Variants in SND1 observed in about 807,000 individuals in gnomAD.
SND1 encodes staphylococcal nuclease and tudor domain containing 1.
In SND1, 38 loss-of-function variants were observed where a neutral mutation model predicts 121.7. The observed-to-expected ratio is 0.31, with a 90% CI of 0.24 to 0.41. The LOEUF (loss-of-function observed/expected upper bound fraction) is 0.41, where lower values mean the gene tolerates loss of function less well. Ranked by LOEUF, SND1 falls within the 10% of genes least tolerant of loss-of-function variation. The probability of loss-of-function intolerance (pLI) is 1.00; values close to 1 mark genes in which losing one functional copy is unlikely to be tolerated. For missense variants in SND1, 868 were observed against 1,184.6 expected (o/e 0.73, Z 3.92); for synonymous variants, 401 against 447.4 (o/e 0.90, Z 1.31).
At chr7:127,664,055 G>C (rs1795366463) in intron 1 of SND1, among the ~76,000 whole-genome samples, 2 of 152,078 alleles carry the variant, frequency 1.3e-5, no homozygotes, top group African/African-American at 4.8e-5. Context: ...TTCGAGACAA[G>C]GTCTCTGTTG....
At position 127,703,245 on chromosome 7, in the gene SND1, G is replaced by A. The variant is rs1398875259; in HGVS notation, c.762G>A (p.Ser254=). Residue 254 remains serine, a synonymous_variant, in exon 7 of 24, where the codon TCG becomes TCA. Coordinates refer to ENST00000354725, the MANE Select transcript of SND1 (RefSeq NM_014390.4). ...FAAEAKFFTE[S]RLLQRDVQII... ...CAGAAGCCAAATTTTTCACTGAGTC[G>A]CGACTGCTTCAGAGAGATGTTCAGA... 5.0e-6 allele frequency: 8 copies of A among 1,614,122 alleles called. No individual in the cohort carries two copies. The highest frequency in any genetic ancestry group is 5.9e-6 in the Non-Finnish European group (7 of 1,179,992).
intron 16 of SND1, among the ~76,000 whole-genome samples, chr7:128,058,204 C>CTCAG (rs1356947990): frequency 1.3e-5 from 2 of 152,260 alleles, no homozygotes; most frequent in Non-Finnish European, 2.9e-5. Flanking sequence ...AACAACAGAG[C>CTCAG]TCAGTCACTC....
chr7:127,831,038 C>T (rs1584604408), intron 11 of SND1, among the ~76,000 whole-genome samples: 1 of 152,234 alleles, frequency 6.6e-6, no homozygotes, highest in Non-Finnish European at 1.5e-5. Flanking sequence ...TCTGATGCCA[C>T]ACCCTGTGCT....
At chr7:127,959,574 CCTT>C (rs1193684060) in intron 15 of SND1, among the ~76,000 whole-genome samples, 1 of 152,144 alleles carries the variant, frequency 6.6e-6, no homozygotes, top group Non-Finnish European at 1.5e-5. Flanking sequence ...TAGGTTCAGT[CCTT>C]CTACTACTTC....
At chr7:128,011,500 T>A (rs1318948010) in intron 16 of SND1, among the ~76,000 whole-genome samples, 2 of 152,226 alleles carry the variant, frequency 1.3e-5, no homozygotes, top group Non-Finnish European at 2.9e-5. Context: ...GGCTCTTTTA[T>A]TGTGTAACAT....
intron 2 of SND1, among the ~76,000 whole-genome samples, chr7:127,691,375 T>A (rs777352891): frequency 1.3e-5 from 2 of 151,692 alleles, no homozygotes; most frequent in African/African-American, 4.8e-5. Context: ...ACCTTGTCTC[T>A]ACTAAAAATA....
intron 10 of SND1, among the ~76,000 whole-genome samples, chr7:127,728,876 G>A: frequency 6.6e-6 from 1 of 152,108 alleles, no homozygotes; most frequent in Non-Finnish European, 1.5e-5. Flanking sequence ...CAATGTGCTG[G>A]TATCTAACTA....
chr7:127,996,505 G>T (rs1802660977), intron 16 of SND1, among the ~76,000 whole-genome samples: 1 of 152,058 alleles, frequency 6.6e-6, no homozygotes, highest in Non-Finnish European at 1.5e-5. Context: ...CTTCCCTGTT[G>T]AGGAGACCCA....
chr7:127,802,644 T>A (rs1391804658), intron 10 of SND1, among the ~76,000 whole-genome samples: 1 of 152,202 alleles, frequency 6.6e-6, no homozygotes, highest in African/African-American at 2.4e-5. Flanking sequence ...ATACTACCTA[T>A]ATGCCAACAA....
chr7:127,865,339 T>C (rs1417765556), intron 12 of SND1, among the ~76,000 whole-genome samples: 14 of 152,188 alleles, frequency 9.2e-5, no homozygotes. Context: ...GGTTAGGAAA[T>C]GTGGCTCAGA....
chr7:127,996,194 A>G (rs1021926495), intron 16 of SND1, among the ~76,000 whole-genome samples: 1 of 151,824 alleles, frequency 6.6e-6, no homozygotes, highest in Non-Finnish European at 1.5e-5. Flanking sequence ...GCCATTGGGG[A>G]AAAAAAAGTA....
chr7:127,829,825 A>C (rs1022430675), intron 11 of SND1, among the ~76,000 whole-genome samples: 71 of 152,346 alleles, frequency 4.7e-4, no homozygotes, highest in African/African-American at 1.7e-3. Flanking sequence ...CCATTTATAC[A>C]GAATTTTTAT....
At chr7:127,757,336 T>C (rs1029512209) in intron 10 of SND1, among the ~76,000 whole-genome samples, 1 of 152,228 alleles carries the variant, frequency 6.6e-6, no homozygotes, top group South Asian at 2.1e-4. Context: ...AATGATCATT[T>C]AGATTGTTTC....
rs184656636 is a variant in SND1 at position 128,029,506 on chromosome 7, T to C, written c.1779+38450T>C. The C allele has an allele frequency of 1.1e-5, 18 of 1,613,920 alleles. No homozygotes were observed. Among genetic ancestry groups the C allele is most frequent in the African/African-American group, 4.0e-5 (3 of 74,948 alleles). On this transcript the variant is annotated intron_variant, in intron 16 of 23. Transcript: ENST00000354725. The surrounding 1 kb of genome is among the most constrained non-coding windows in gnomAD (Gnocchi z 4.2). The stretch of plus-strand genomic sequence containing the variant: ...GGCAGCAACCACTTCACGGAGGACA[T>C]AGGGGGAGTCCGACACTTAAGTTCT...
At chr7:127,802,926 T>C (rs1356600253) in intron 10 of SND1, among the ~76,000 whole-genome samples, 4 of 152,216 alleles carry the variant, frequency 2.6e-5, no homozygotes, top group African/African-American at 9.6e-5. Context: ...ATGTATCCAG[T>C]TCTGACCACT....
chr7:127,882,240 C>T (rs1416307881), intron 12 of SND1, among the ~76,000 whole-genome samples: 1 of 151,490 alleles, frequency 6.6e-6, no homozygotes, highest in Non-Finnish European at 1.5e-5. Flanking sequence ...GGTGACAGGG[C>T]ATGACCCTGT....
intron 10 of SND1, among the ~76,000 whole-genome samples, chr7:127,725,533 T>A (rs1197873314): frequency 6.6e-6 from 1 of 152,176 alleles, no homozygotes; most frequent in East Asian, 1.9e-4. Context: ...AGGGCATTTT[T>A]TGGAAATTGA....
intron 12 of SND1, among the ~76,000 whole-genome samples, chr7:127,859,795 T>A (rs918070449): frequency 4.6e-5 from 7 of 152,192 alleles, no homozygotes; most frequent in African/African-American, 1.2e-4. Flanking sequence ...ATTAGTGTTT[T>A]AAGTGGTGAT....
chr7:127,808,807 T>G (rs1288949581), intron 11 of SND1, among the ~76,000 whole-genome samples: 3 of 152,254 alleles, frequency 2.0e-5, no homozygotes, highest in Non-Finnish European at 2.9e-5. Flanking sequence ...TGATCTAATG[T>G]CTGACATCTC....
Sources: gnomAD v4.1 joint callset for allele counts (sites outside exome capture counted in the v4.1 genomes callset) on GRCh38, gnomAD v4.1.1 for gene constraint, Gnocchi (gnomAD v3.1) non-coding constraint, MANE v1.5 for transcripts, NCBI Gene and HGNC (gene_info 2026-07-23, HGNC 2026-07-21) for gene names.